The following RNF216 variants were observed in gnomAD, a reference collection of about 807,000 sequenced individuals.
RNF216 encodes the protein ring finger protein 216, also known as E3 ubiquitin-protein ligase RNF216.
A neutral mutation model predicts 110.8 loss-of-function variants in RNF216; 72 were observed. That is an observed-to-expected ratio of 0.65 (90% CI 0.54 to 0.79). The LOEUF (loss-of-function observed/expected upper bound fraction) is 0.79. RNF216 is among the 30% of genes least tolerant of loss of function. The pLI is 0.00. For synonymous variants in RNF216, 495 were observed against 407.5 expected (o/e 1.21, Z -2.59); for missense variants, 1,342 against 1,141.2 (o/e 1.18, Z -2.54).
intron 15 of RNF216, among the ~76,000 whole-genome samples, chr7:5,636,930 C>T (rs1040424843): frequency 7.9e-5 from 12 of 151,950 alleles, no homozygotes; most frequent in African/African-American, 2.7e-4. Context: ...TGGGAAGCAA[C>T]GGGAGGAGGC....
rs117255303 is a variant in RNF216 at position 5,726,356 on chromosome 7, T to C, written c.1390-918A>G. On this transcript the variant is annotated intron_variant, in intron 7 of 16. Transcript: ENST00000389902. Reference sequence around the variant, plus strand: ...CAATGGGCTGGTGAGTCCCATTCTGTAGGCAAATCTTCCATGTTGTTTCTC... The same window carrying C: ...CAATGGGCTGGTGAGTCCCATTCTGCAGGCAAATCTTCCATGTTGTTTCTC... Among the ~76,000 whole-genome samples, 66 of 152,312 alleles carry C rather than the reference T, an allele frequency of 4.3e-4. No individual in the cohort carries two copies. In the East Asian group the frequency reaches 9.8e-3, roughly 23 times the overall value.
At chr7:5,627,640 G>C (rs1786793597) in intron 15 of RNF216, among the ~76,000 whole-genome samples, 1 of 151,960 alleles carries the variant, frequency 6.6e-6, no homozygotes, top group Non-Finnish European at 1.5e-5. Context: ...CCAGCTACTC[G>C]GGAGGCTGAG....
In RNF216 at chr7:5,735,545, T is replaced by C. The variant is rs547049219; in HGVS notation, c.1121+3731A>G. 9.3e-4 allele frequency among the ~76,000 whole-genome samples: 140 copies of C among 150,684 alleles called. 2 individuals carry two copies. The South Asian group carries it at 0.028, about 30-fold the overall frequency. Reference sequence around the variant, plus strand: ...AACTGAAAACCAGTAACACGGTAGATGAGTTAAAAGGAGATTACACTCTAC... The same window carrying C: ...AACTGAAAACCAGTAACACGGTAGACGAGTTAAAAGGAGATTACACTCTAC... On this transcript the variant is annotated intron_variant, in intron 5 of 16. Coordinates refer to ENST00000389902, the MANE Select transcript of RNF216 (RefSeq NM_207111.4).
At chr7:5,632,863 T>G (rs763468998) in intron 15 of RNF216, among the ~76,000 whole-genome samples, 4 of 152,156 alleles carry the variant, frequency 2.6e-5, no homozygotes, top group Non-Finnish European at 5.9e-5. Context: ...ATGAGTACCA[T>G]GACGAAGCAC....
intron 1 of RNF216, among the ~76,000 whole-genome samples, chr7:5,774,400 T>C (rs756064275): frequency 1.4e-4 from 21 of 152,290 alleles, no homozygotes; most frequent in African/African-American, 2.9e-4. Context: ...GATAGCACCA[T>C]TGCACTCCAG....
At position 5,715,200 on chromosome 7, in the gene RNF216, G is replaced by A; in HGVS notation, c.1696-10C>T. 6.2e-7 allele frequency: 1 copy of A among 1,611,478 alleles called. No homozygotes were observed. The highest frequency in any genetic ancestry group is 8.5e-7 in the Non-Finnish European group (1 of 1,179,394). ...CAATCAGCTGGCCATCCTGCAGGCAGTCAAGAAACACACATGAAATGTCCT... is the reference window on the plus strand; with the variant it reads ...CAATCAGCTGGCCATCCTGCAGGCAATCAAGAAACACACATGAAATGTCCT... On this transcript the variant is annotated splice_polypyrimidine_tract_variant and intron_variant, in intron 10 of 16. Transcript: ENST00000389902.
chr7:5,688,470 G>C (rs1331058943), intron 13 of RNF216, among the ~76,000 whole-genome samples: 1 of 152,186 alleles, frequency 6.6e-6, no homozygotes, highest in African/African-American at 2.4e-5. Flanking sequence ...AACACATACT[G>C]AATGTGCTAA....
At chr7:5,770,954 T>G (rs1471466865) in intron 1 of RNF216, among the ~76,000 whole-genome samples, 1 of 152,066 alleles carries the variant, frequency 6.6e-6, no homozygotes, top group Non-Finnish European at 1.5e-5. Flanking sequence ...ATTACAGGCA[T>G]GCACCACCAC....
At chr7:5,689,727 G>A (rs1791210228) in intron 13 of RNF216, among the ~76,000 whole-genome samples, 1 of 151,950 alleles carries the variant, frequency 6.6e-6, no homozygotes, top group Admixed American at 6.6e-5. Flanking sequence ...GCCGAGGCAG[G>A]TGGATCACCT....
intron 7 of RNF216, among the ~76,000 whole-genome samples, chr7:5,726,577 G>T (rs1793765255): frequency 6.6e-6 from 1 of 152,150 alleles, no homozygotes; most frequent in Admixed American, 6.5e-5. Flanking sequence ...TTCAAATCAG[G>T]GTGGGCGCGG....
intron 13 of RNF216, among the ~76,000 whole-genome samples, chr7:5,670,051 C>G (rs372152768): frequency 6.6e-5 from 10 of 152,114 alleles, no homozygotes; most frequent in African/African-American, 2.4e-4. Flanking sequence ...CTCAGCCTCC[C>G]GATTAGCTGG....
chr7:5,740,945 T>C, intron 4 of RNF216, 28 bp downstream of exon 4: 1 of 1,554,970 alleles, frequency 6.4e-7, no homozygotes, highest in East Asian at 2.2e-5. Flanking sequence ...ATGTAGTGTC[T>C]ACATTTACTT....
intron 13 of RNF216, among the ~76,000 whole-genome samples, chr7:5,659,650 G>A (rs1470361984): frequency 2.6e-5 from 4 of 152,206 alleles, no homozygotes; most frequent in Non-Finnish European, 4.4e-5. Context: ...GTAGGACCTT[G>A]CAGCACCCCC....
At chr7:5,705,917 T>TAAAACAAAACAAAACAAAACAAAAC (rs55645443) in intron 13 of RNF216, among the ~76,000 whole-genome samples, 3 of 143,952 alleles carry the variant, frequency 2.1e-5, no homozygotes, top group African/African-American at 7.8e-5. Flanking sequence ...CAACAAAAAC[T>TAAAACAAAACAAAACAAAACAAAAC]AAAACAAAAC....
chr7:5,695,563 C>T (rs553532811), intron 13 of RNF216, among the ~76,000 whole-genome samples: 110 of 152,290 alleles, frequency 7.2e-4, no homozygotes, highest in African/African-American at 2.4e-3. Context: ...CAGAAGACAC[C>T]GCAGCTATAG....
intron 13 of RNF216, among the ~76,000 whole-genome samples, chr7:5,658,654 C>CAAAAAAAAAAA (rs753036691): frequency 1.3e-5 from 1 of 74,882 alleles, no homozygotes; most frequent in African/African-American, 4.1e-5. Context: ...GAGACTGTCT[C>CAAAAAAAAAAA]AAAAAAAAAA....
chr7:5,663,552 C>A (rs909496408), intron 13 of RNF216, among the ~76,000 whole-genome samples: 1 of 142,232 alleles, frequency 7.0e-6, no homozygotes, highest in Non-Finnish European at 1.5e-5. Flanking sequence ...CCACTGCACT[C>A]CAGTCTGGGC....
chr7:5,747,792 A>T (rs1374764657), intron 3 of RNF216, among the ~76,000 whole-genome samples: 1 of 151,208 alleles, frequency 6.6e-6, no homozygotes, highest in Non-Finnish European at 1.5e-5. Flanking sequence ...AAAAAAAGAA[A>T]AAATAAATAA....
intron 2 of RNF216, among the ~76,000 whole-genome samples, chr7:5,755,264 AAGG>A (rs1795574274): frequency 1.3e-5 from 2 of 151,740 alleles, no homozygotes; most frequent in East Asian, 3.9e-4. Context: ...GGAAGGAAGG[AAGG>A]AACCTATCAC....
Sources: allele counts gnomAD v4.1 joint callset (sites outside exome capture counted in the v4.1 genomes callset), GRCh38; gene constraint gnomAD v4.1.1; transcripts MANE v1.5; gene names NCBI Gene and HGNC (gene_info 2026-07-23, HGNC 2026-07-21).